CA10: variants seen among roughly 807,000 people sequenced by gnomAD.
CA10 encodes the protein carbonic anhydrase-related protein 10.
Under a neutral mutation model 44.2 loss-of-function variants are expected in CA10, and 14 were observed. The ratio of observed to expected loss-of-function variants is 0.32; its 90% CI spans 0.21 to 0.50. The LOEUF (loss-of-function observed/expected upper bound fraction) is 0.50, where lower values mean the gene tolerates loss of function less well. Among genes scored for constraint, CA10 ranks in the 20% least tolerant of loss-of-function variants. The probability of loss-of-function intolerance (pLI) is 0.99; values close to 1 mark genes in which losing one functional copy is unlikely to be tolerated. For synonymous variants in CA10, 159 were observed against 141.6 expected (o/e 1.12, Z -0.87); for missense variants, 350 against 409.7 (o/e 0.85, Z 1.26).
intron 3 of CA10, among the ~76,000 whole-genome samples, chr17:51,820,196 C>CG (rs1308466549): frequency 2.2e-5 from 3 of 135,456 alleles, no homozygotes; most frequent in Non-Finnish European, 4.7e-5. Context: ...CCCCCCCCCC[C>CG]CCAGGTAATA....
chr17:51,699,553 A>G (rs1245347547), intron 4 of CA10, among the ~76,000 whole-genome samples: 3 of 152,126 alleles, frequency 2.0e-5, no homozygotes, highest in African/African-American at 7.2e-5. Flanking sequence ...GCTTAGCTTC[A>G]GCGAAGACAT....
At chr17:52,133,572 A>C (rs1399412153) in intron 1 of CA10, among the ~76,000 whole-genome samples, 2 of 152,178 alleles carry the variant, frequency 1.3e-5, no homozygotes, top group African/African-American at 4.8e-5. Flanking sequence ...TCATGTCAAC[A>C]TTTACAGAAC....
intron 3 of CA10, among the ~76,000 whole-genome samples, chr17:51,778,302 C>A (rs1598040540): frequency 6.6e-6 from 1 of 152,162 alleles, no homozygotes; most frequent in African/African-American, 2.4e-5. Flanking sequence ...GAAAAGCTCT[C>A]CCCAGACTCA....
chr17:52,028,501 G>A (rs971240392), intron 2 of CA10, among the ~76,000 whole-genome samples: 1 of 152,120 alleles, frequency 6.6e-6, no homozygotes, highest in Admixed American at 6.6e-5. Flanking sequence ...CCTTTTAAAG[G>A]TACTGATCTG....
chr17:51,962,619 T>C (rs1457644143), intron 2 of CA10, among the ~76,000 whole-genome samples: 1 of 151,918 alleles, frequency 6.6e-6, no homozygotes. Flanking sequence ...TCAATATAAA[T>C]TTACCAAGAG....
intron 3 of CA10, among the ~76,000 whole-genome samples, chr17:51,869,476 G>A (rs142428400): frequency 5.3e-5 from 8 of 152,256 alleles, no homozygotes; most frequent in African/African-American, 1.4e-4. Flanking sequence ...GGATCACCAG[G>A]AAACAACATA....
At chr17:52,044,416 A>G (rs1986852635) in intron 2 of CA10, among the ~76,000 whole-genome samples, 1 of 151,892 alleles carries the variant, frequency 6.6e-6, no homozygotes, top group Non-Finnish European at 1.5e-5. Context: ...CAATCCTCCC[A>G]CCTCAGCTTC....
chr17:51,886,336 A>T (rs1012155567), intron 3 of CA10, among the ~76,000 whole-genome samples: 1 of 152,200 alleles, frequency 6.6e-6, no homozygotes, highest in Non-Finnish European at 1.5e-5. Context: ...GAAAAGTGCA[A>T]TTGATCTTAT....
intron 1 of CA10, among the ~76,000 whole-genome samples, chr17:52,084,617 A>AT (rs1567728035): frequency 6.6e-6 from 1 of 152,084 alleles, no homozygotes; most frequent in African/African-American, 2.4e-5. Context: ...CCCCACCTGG[A>AT]TTTTTTATTC....
chr17:51,750,516 T>TA (rs1010467090), intron 3 of CA10, among the ~76,000 whole-genome samples: 40 of 152,070 alleles, frequency 2.6e-4, no homozygotes, highest in African/African-American at 8.7e-4. Flanking sequence ...TTCATTATTG[T>TA]AAAAAAAATC....
intron 2 of CA10, among the ~76,000 whole-genome samples, chr17:52,026,068 C>T (rs756913238): frequency 3.3e-5 from 5 of 151,764 alleles, no homozygotes; most frequent in Admixed American, 6.6e-5. Context: ...AGAAGAATAA[C>T]AGTTTTCCCC....
At chr17:51,829,637 G>GT (rs1252573598) in intron 3 of CA10, among the ~76,000 whole-genome samples, 1 of 152,234 alleles carries the variant, frequency 6.6e-6, no homozygotes, top group Non-Finnish European at 1.5e-5. Flanking sequence ...TGCCAGGCAT[G>GT]TGCTAGATGC....
In CA10 at chr17:51,849,876, C is replaced by T. The variant is rs745975501; in HGVS notation, c.279+81114G>A. On this transcript the variant is annotated intron_variant, in intron 3 of 8. Coordinates refer to ENST00000451037, the MANE Select transcript of CA10 (RefSeq NM_020178.5). ...CACTCTCTTTCTTTGCATGAATACCCCATAAGCAAGTTGAATATGGGATGT... is the reference window on the plus strand; with the variant it reads ...CACTCTCTTTCTTTGCATGAATACCTCATAAGCAAGTTGAATATGGGATGT... 6.6e-5 allele frequency among the ~76,000 whole-genome samples: 10 copies of T among 152,118 alleles called. No homozygotes were observed. The South Asian group carries it at 8.3e-4, about 13-fold the overall frequency.
intron 2 of CA10, among the ~76,000 whole-genome samples, chr17:51,945,158 T>C (rs1488350752): frequency 6.6e-6 from 1 of 152,164 alleles, no homozygotes; most frequent in Non-Finnish European, 1.5e-5. Flanking sequence ...ATTTAGTTAA[T>C]TGGCTGGTTT....
chr17:52,157,987 C>A lies in CA10; in HGVS notation c.-201G>T, dbSNP rs763702834. ...TTGTTCCGGCAAATCTCCCCTCGGG[C>A]TCGACGGATGTGCGCCCCAGATGTG... On this transcript the variant is annotated 5_prime_UTR_variant, in exon 1 of 9. Coordinates refer to ENST00000451037, the MANE Select transcript of CA10 (RefSeq NM_020178.5). The A allele has an allele frequency of 1.6e-6, 1 of 615,752 alleles. No homozygotes were observed. The highest frequency in any genetic ancestry group is 2.9e-6 in the Non-Finnish European group (1 of 341,358). The allele number at this position is 615,752 out of a possible 1,614,324, so 38.1% of individuals were successfully genotyped here.
chr17:51,890,841 C>G (rs1409395331), intron 3 of CA10, among the ~76,000 whole-genome samples: 1 of 152,130 alleles, frequency 6.6e-6, no homozygotes, highest in East Asian at 1.9e-4. Flanking sequence ...GACAGTTATG[C>G]CAGGAGAACA....
At position 51,885,078 on chromosome 17, in the gene CA10, A is replaced by T. The variant is rs545465900; in HGVS notation, c.279+45912T>A. ...ACAAGTATCAGGGATTAGGGGTTCA[A>T]CATATATTATTGGGAGAGACAATTC... On this transcript the variant is annotated intron_variant, in intron 3 of 8. Transcript: ENST00000451037. Among the ~76,000 whole-genome samples, 123 of 152,342 alleles carry T rather than the reference A, an allele frequency of 8.1e-4. 3 individuals are homozygous for T. In the South Asian group the frequency reaches 0.025, roughly 31 times the overall value.
chr17:51,816,988 T>C (rs549010697), intron 3 of CA10, among the ~76,000 whole-genome samples: 5 of 152,350 alleles, frequency 3.3e-5, no homozygotes, highest in Admixed American at 6.5e-5. Context: ...TCTTGTGTTA[T>C]CTACTGAGAT....
intron 2 of CA10, among the ~76,000 whole-genome samples, chr17:52,070,749 G>A (rs111987284): frequency 3.7e-3 from 556 of 152,224 alleles, no homozygotes; most frequent in African/African-American, 0.012. Flanking sequence ...TCAAAATAGG[G>A]CCTTGAACAC....
Sources: gnomAD v4.1 joint callset for allele counts (sites outside exome capture counted in the v4.1 genomes callset) on GRCh38, gnomAD v4.1.1 for gene constraint, MANE v1.5 for transcripts, NCBI Gene and HGNC (gene_info 2026-07-23, HGNC 2026-07-21) for gene names.